The following TDRD12 variants were observed in gnomAD, a reference collection of about 807,000 sequenced individuals.
TDRD12 encodes tudor domain containing 12.
TDRD12 carries 158 observed loss-of-function variants against 133.5 expected under a neutral mutation model. The observed-to-expected ratio is 1.18, with a 90% CI of 1.04 to 1.35. The LOEUF (loss-of-function observed/expected upper bound fraction) is 1.35. Among genes scored for constraint, TDRD12 ranks in the 40% most tolerant of loss-of-function variants. The pLI, the probability that TDRD12 is intolerant of heterozygous loss-of-function variation, is 0.00. For missense variants in TDRD12, 1,443 were observed against 1,321.3 expected (o/e 1.09, Z -1.43); for synonymous variants, 460 against 477.9 (o/e 0.96, Z 0.49).
chr19:32,738,707 G>A, intron 2 of TDRD12, 149 bp from the exon 3 acceptor site: 1 of 799,526 alleles, frequency 1.3e-6, no homozygotes, highest in Non-Finnish European at 1.9e-6. Flanking sequence ...CAGCTACTTG[G>A]GAGGCTGAGG....
downstream of TDRD12, among the ~76,000 whole-genome samples, chr19:32,822,518 C>T (rs549172087): frequency 2.6e-5 from 4 of 152,146 alleles, no homozygotes; most frequent in Non-Finnish European, 4.4e-5. Flanking sequence ...GAGGCCAGGA[C>T]GGGCAGATCG....
intron 4 of TDRD12, among the ~76,000 whole-genome samples, chr19:32,744,516 A>C (rs1224691306): frequency 6.0e-5 from 9 of 150,754 alleles, no homozygotes; most frequent in Admixed American, 1.3e-4. Flanking sequence ...AAAAAAAAAA[A>C]AAAAAAAACA....
At chr19:32,808,456 A>G (rs1966893055) in intron 22 of TDRD12, among the ~76,000 whole-genome samples, 1 of 152,152 alleles carries the variant, frequency 6.6e-6, no homozygotes, top group Admixed American at 6.5e-5. Context: ...CATCTCCGCC[A>G]GCAGCCACTG....
chr19:32,756,320 T>C (rs1286082272), intron 7 of TDRD12, 139 bp downstream of exon 7: 1 of 716,634 alleles, frequency 1.4e-6, no homozygotes, highest in Non-Finnish European at 2.0e-6. Context: ...CTGATGAGGC[T>C]GTGACACATT....
chr19:32,826,289 C>G (rs1180400495), exon 8 of TDRD12: 1 of 1,443,796 alleles, frequency 6.9e-7, no homozygotes, highest in African/African-American at 1.4e-5. Flanking sequence ...ATGTCGTCAT[C>G]TTAAAGATAA....
At chr19:32,813,833 C>A (rs1261739449) in intron 25 of TDRD12, 57 bp downstream of exon 25, 1 of 1,008,546 alleles carries the variant, frequency 9.9e-7, no homozygotes, top group Non-Finnish European at 1.5e-6. Context: ...CTAAAATTAT[C>A]CAGATTATTC....
intron 4 of TDRD12, among the ~76,000 whole-genome samples, chr19:32,745,829 A>G (rs1969593763): frequency 7.3e-6 from 1 of 136,458 alleles, no homozygotes; most frequent in African/African-American, 2.9e-5. Context: ...AGAAGGAGAG[A>G]GACTGGCTGA....
intron 11 of TDRD12, among the ~76,000 whole-genome samples, chr19:32,785,554 G>A (rs997069952): frequency 2.6e-5 from 4 of 152,180 alleles, no homozygotes; most frequent in Non-Finnish European, 4.4e-5. Context: ...AATATAGACA[G>A]TGGGGTGTTA....
At chr19:32,793,571 G>A (rs1455745880) in intron 13 of TDRD12, among the ~76,000 whole-genome samples, 1 of 152,174 alleles carries the variant, frequency 6.6e-6, no homozygotes, top group Non-Finnish European at 1.5e-5. Context: ...ATCCATGTGG[G>A]TGGAGAACTC....
chr19:32,792,885 T>C (rs1035977796), intron 13 of TDRD12, among the ~76,000 whole-genome samples: 2 of 152,138 alleles, frequency 1.3e-5, no homozygotes, highest in African/African-American at 4.8e-5. Flanking sequence ...CAAATGAGCA[T>C]TGATGTCAAA....
At chr19:32,821,407 TGTGC>T (rs1261926385), downstream of TDRD12, 2,080 of 144,306 alleles carry the variant, frequency 0.014, 25 homozygotes, top group East Asian at 0.28. Flanking sequence ...TGTGTGTGTG[TGTGC>T]GTGTGAACCA....
chr19:32,752,769 C>G (rs1354589786), intron 6 of TDRD12, among the ~76,000 whole-genome samples: 1 of 151,122 alleles, frequency 6.6e-6, no homozygotes, highest in Non-Finnish European at 1.5e-5. Flanking sequence ...CAGACCTAGC[C>G]CTAGAATCAG....
rs1390895289 is a variant in TDRD12 at position 32,780,192 on chromosome 19, T to C, written c.1121+2963T>C. ...TCCGCCTCTCGGGTTCAAGCGATTCTCCTGCCTCAGCCTCCCGAGTAGCTG... is the reference window on the plus strand; with the variant it reads ...TCCGCCTCTCGGGTTCAAGCGATTCCCCTGCCTCAGCCTCCCGAGTAGCTG... On this transcript the variant is annotated intron_variant, in intron 11 of 27. Transcript: ENST00000444215. Among the ~76,000 whole-genome samples the C allele has an allele frequency of 2.0e-5, 3 of 151,450 alleles. No individual in the cohort carries two copies. The East Asian group carries it at 5.9e-4, about 30-fold the overall frequency.
At chr19:32,755,902 T>G in intron 6 of TDRD12, 90 bp from the exon 7 acceptor site, 1 of 958,012 alleles carries the variant, frequency 1.0e-6, no homozygotes, top group Non-Finnish European at 1.5e-6. Context: ...TCTCTGAAGG[T>G]AGAACTTTGG....
intron 27 of TDRD12, among the ~76,000 whole-genome samples, chr19:32,819,864 G>A (rs1367932113): frequency 2.0e-5 from 3 of 152,128 alleles, no homozygotes; most frequent in Non-Finnish European, 4.4e-5. Context: ...CTGGTGCGGT[G>A]GACAGTGACA....
rs907751306 is a variant in TDRD12, at chr19:32,730,085, C to T, written c.25-1640C>T. On this transcript the variant is annotated intron_variant, in intron 1 of 27. Coordinates refer to ENST00000444215, the Ensembl canonical transcript of TDRD12. ...GATTACAGGTGTGAGCCACAGCACCCGGCTAAAACTGCGTATTTCTTTCAG... is the reference window on the plus strand; with the variant it reads ...GATTACAGGTGTGAGCCACAGCACCTGGCTAAAACTGCGTATTTCTTTCAG... 4.0e-4 allele frequency among the ~76,000 whole-genome samples: 61 copies of T among 152,134 alleles called. No individual in the cohort carries two copies. The Middle Eastern group carries it at 0.021, about 51-fold the overall frequency.
intron 21 of TDRD12, among the ~76,000 whole-genome samples, chr19:32,803,744 C>A (rs76808897): frequency 6.6e-6 from 1 of 152,118 alleles, no homozygotes; most frequent in Non-Finnish European, 1.5e-5. Context: ...CCCTCACCAG[C>A]GCTTAGTGTT....
rs548689533 is a variant in TDRD12, at chr19:32,815,671, A to G, written c.3314+51A>G. ...GGAAGAGTTGTTTTTTGGAAATACA[A>G]CTCACAAGTGTTAAGGACATGTTTT... On this transcript the variant is annotated intron_variant, in intron 26 of 27. Transcript: ENST00000444215. The G allele has an allele frequency of 3.6e-4, 526 of 1,476,424 alleles. 9 individuals are homozygous for G. In the South Asian group the frequency reaches 6.3e-3, roughly 18 times the overall value. 91.5% of individuals were successfully genotyped at this position (1,476,424 alleles called of 1,614,324 possible). A position where few individuals can be genotyped will look rare whatever the true frequency, so the allele number is the denominator to read the frequency against.
At chr19:32,810,373 T>G (rs761597940) in intron 23 of TDRD12, 96 bp downstream of exon 23, 1 of 1,030,858 alleles carries the variant, frequency 9.7e-7, no homozygotes, top group Non-Finnish European at 1.4e-6. Flanking sequence ...TTTGACTGAG[T>G]GTGTATGTGA....
Sources: gnomAD v4.1 joint callset for allele counts (sites outside exome capture counted in the v4.1 genomes callset) on GRCh38, gnomAD v4.1.1 for gene constraint, MANE v1.5 for transcripts, NCBI Gene and HGNC (gene_info 2026-07-23, HGNC 2026-07-21) for gene names.